Variants in COL6A5 observed in about 807,000 individuals in gnomAD.
COL6A5 encodes collagen type VI alpha 5 chain.
COL6A5 carries 48 observed loss-of-function variants against 65.6 expected under a neutral mutation model. The ratio of observed to expected loss-of-function variants is 0.73; its 90% confidence interval spans 0.58 to 0.93. The LOEUF (loss-of-function observed/expected upper bound fraction) is 0.93, where lower values mean the gene tolerates loss of function less well. COL6A5 is among the 40% of genes least tolerant of loss of function. The probability of loss-of-function intolerance (pLI) is 0.00; values close to 1 mark genes in which losing one functional copy is unlikely to be tolerated. For synonymous variants in COL6A5, 291 were observed against 322.8 expected, an observed-to-expected ratio of 0.90 and a Z score of 1.05; for missense variants, 914 against 928.3, an observed-to-expected ratio of 0.98 and a Z score of 0.20.
upstream of COL6A5, chr3:130,429,609 C>T (rs763163971): frequency 3.2e-6 from 5 of 1,538,750 alleles, no homozygotes; most frequent in East Asian, 1.3e-4. Context: ...CATGCTGTTC[C>T]CTGCTGAGAT....
intron 5 of COL6A5, among the ~76,000 whole-genome samples, chr3:130,386,252 T>C (rs1936182683): frequency 6.6e-6 from 1 of 152,042 alleles, no homozygotes; most frequent in South Asian, 2.1e-4. Context: ...AGTTAGTGTC[T>C]ACTTGCCTTG....
At chr3:130,392,687 C>T (rs1258843376) in intron 7 of COL6A5, among the ~76,000 whole-genome samples, 1 of 152,096 alleles carries the variant, frequency 6.6e-6, no homozygotes. Flanking sequence ...GTTTCTAAGA[C>T]TGACATTAAC....
chr3:130,388,677 C>G, exon 6 of COL6A5: 4 of 1,550,974 alleles, frequency 2.6e-6, no homozygotes, highest in Non-Finnish European at 3.5e-6. Context: ...TCATGAAAAA[C>G]CTGTTAACTA....
chr3:130,428,648 A>G (rs1254501428), upstream of COL6A5, among the ~76,000 whole-genome samples: 1 of 152,154 alleles, frequency 6.6e-6, no homozygotes, highest in Non-Finnish European at 1.5e-5. Context: ...CCTTGCAGCT[A>G]TGTTTGAAGT....
At chr3:130,449,329 GT>G (rs550000783) in intron 4 of COL6A5, among the ~76,000 whole-genome samples, 106 of 152,076 alleles carry the variant, frequency 7.0e-4, no homozygotes, top group Non-Finnish European at 1.3e-3. Flanking sequence ...CAAACCCCAT[GT>G]TTTCCATCAT....
intron 8 of COL6A5, among the ~76,000 whole-genome samples, chr3:130,395,961 A>G (rs1008079626): frequency 2.6e-5 from 4 of 152,226 alleles, no homozygotes; most frequent in African/African-American, 7.2e-5. Context: ...TCATATAATC[A>G]TAGCCTACTA....
rs567948233 is a variant in COL6A5, at chr3:130,397,069, G to A, written c.3569-514G>A. On this transcript the variant is annotated intron_variant and NMD_transcript_variant, in intron 8 of 41. Transcript: ENST00000312481. ...TTTTTAGTAGAGATGGGGTTTCACC[G>A]TGTTAGCCAGGATGGTCTCGATCTC... Among the ~76,000 whole-genome samples the A allele has an allele frequency of 7.9e-5, 12 of 151,968 alleles. No individual in the cohort carries two copies. The East Asian group carries it at 1.9e-3, about 25-fold the overall frequency.
At chr3:130,365,386 T>C (rs2107626057) in intron 1 of COL6A5, among the ~76,000 whole-genome samples, 1 of 152,290 alleles carries the variant, frequency 6.6e-6, no homozygotes, top group Non-Finnish European at 1.5e-5. Context: ...CACGCTATTC[T>C]CCTGTCTCAG....
At position 130,411,831 on chromosome 3, in the gene COL6A5, C is replaced by T. The variant is rs553005901; in HGVS notation, c.4662+1307C>T. ...GACATGAGGCTCTCGGCCCCCTCCTCATCTACCCATTTCCCTGCTGACCTC... is the reference window on the plus strand; with the variant it reads ...GACATGAGGCTCTCGGCCCCCTCCTTATCTACCCATTTCCCTGCTGACCTC... On this transcript the variant is annotated intron_variant and NMD_transcript_variant, in intron 20 of 41. Coordinates refer to the COL6A5 transcript ENST00000312481. Among the ~76,000 whole-genome samples the T allele has an allele frequency of 1.6e-4, 24 of 152,188 alleles. 1 individual carries two copies. In the South Asian group the frequency reaches 4.6e-3, roughly 29 times the overall value.
intron 3 of COL6A5, among the ~76,000 whole-genome samples, 192 bp from the exon 36 acceptor site, chr3:130,443,284 T>G (rs1257771679): frequency 1.3e-5 from 2 of 152,146 alleles, no homozygotes; most frequent in Non-Finnish European, 2.9e-5. Context: ...ATCCTTTGGC[T>G]GCTAAAACAC....
At chr3:130,369,840 C>CTGGG (rs1935484392) in intron 1 of COL6A5, among the ~76,000 whole-genome samples, 1 of 152,178 alleles carries the variant, frequency 6.6e-6, no homozygotes, top group Non-Finnish European at 1.5e-5. Flanking sequence ...AGCATGTGTG[C>CTGGG]CTTCTCTCCA....
intron 5 of COL6A5, among the ~76,000 whole-genome samples, chr3:130,386,684 C>T (rs1286874618): frequency 2.6e-5 from 4 of 151,994 alleles, no homozygotes; most frequent in African/African-American, 4.8e-5. Context: ...TAGGTTGTAT[C>T]TCAGATCCTT....
chr3:130,452,661 AATGAAGTTTCGGGCACCATCG>A (rs1209250852), intron 4 of COL6A5, among the ~76,000 whole-genome samples: 2 of 152,260 alleles, frequency 1.3e-5, no homozygotes, highest in Admixed American at 1.3e-4. Context: ...TAAAATTGCT[AATGAAGTTTCGGGCACCATCG>A]TCATTGATAA....
intron 1 of COL6A5, among the ~76,000 whole-genome samples, chr3:130,356,361 A>C (rs1441852112): frequency 6.6e-6 from 1 of 152,138 alleles, no homozygotes; most frequent in Non-Finnish European, 1.5e-5. Context: ...CTTGAGAGTT[A>C]AGATAGGCAA....
At chr3:130,455,515 A>C in exon 5 of COL6A5, 2 of 1,612,728 alleles carry the variant, frequency 1.2e-6, no homozygotes, top group Non-Finnish European at 1.7e-6. Context: ...GCCAAGAATT[A>C]AATTCTGGGA....
chr3:130,428,060 G>A (rs114291067), upstream of COL6A5, among the ~76,000 whole-genome samples: 1,490 of 152,276 alleles, frequency 9.8e-3, 21 homozygotes, highest in African/African-American at 0.035. Flanking sequence ...CCAAAGGTAG[G>A]TGGAAGGGGC....
intron 5 of COL6A5, among the ~76,000 whole-genome samples, chr3:130,462,865 GTCCTT>G (rs1233804429): frequency 1.3e-5 from 2 of 152,050 alleles, no homozygotes; most frequent in African/African-American, 4.8e-5. Context: ...TGGTTGATGG[GTCCTT>G]TCATGTTTCT....
At chr3:130,385,019 A>C (rs1287272132) in exon 5 of COL6A5, 3 of 1,550,776 alleles carry the variant, frequency 1.9e-6, no homozygotes, top group Non-Finnish European at 2.6e-6. Context: ...TATTGACTTA[A>C]GAAAGGCTAT....
At chr3:130,356,649 C>A (rs1934935664) in intron 1 of COL6A5, among the ~76,000 whole-genome samples, 1 of 151,520 alleles carries the variant, frequency 6.6e-6, no homozygotes, top group South Asian at 2.1e-4. Context: ...GCATTAAAAC[C>A]AAAAGTAACT....
Sources: gnomAD v4.1 joint callset for allele counts (sites outside exome capture counted in the v4.1 genomes callset) on GRCh38, gnomAD v4.1.1 for gene constraint, MANE v1.5 for transcripts, NCBI Gene and HGNC (gene_info 2026-07-23, HGNC 2026-07-21) for gene names.